The following SMAD5 variants were observed in gnomAD, a reference collection of about 807,000 sequenced individuals.
The protein encoded by SMAD5 is MAD, mothers against decapentaplegic homolog 5.
SMAD5 carries 9 observed loss-of-function variants against 43.1 expected under a neutral mutation model. The observed-to-expected ratio is 0.21, with a 90% CI of 0.13 to 0.36. The LOEUF (loss-of-function observed/expected upper bound fraction) is 0.36. Ranked by LOEUF, SMAD5 falls within the 10% of genes least tolerant of loss-of-function variation. The pLI is 1.00. For missense variants in SMAD5, 348 were observed against 574.0 expected, an observed-to-expected ratio of 0.61 and a Z score of 4.02; for synonymous variants, 190 against 192.4, an observed-to-expected ratio of 0.99 and a Z score of 0.10.
intron 4 of SMAD5, 29 bp from the exon 5 acceptor site, chr5:136,163,243 A>ATT (rs1302971565): frequency 6.4e-7 from 1 of 1,566,086 alleles, no homozygotes; most frequent in Non-Finnish European, 8.6e-7. Flanking sequence ...CAGAATGAAG[A>ATT]TTTTAATTAT....
chr5:136,140,292 T>A (rs977477718), intron 1 of SMAD5, among the ~76,000 whole-genome samples: 1 of 152,178 alleles, frequency 6.6e-6, no homozygotes, highest in African/African-American at 2.4e-5. Flanking sequence ...GATAATTCTT[T>A]AATAGTGTAA....
intron 1 of SMAD5, among the ~76,000 whole-genome samples, chr5:136,141,221 G>A (rs1196356176): frequency 6.6e-6 from 1 of 152,118 alleles, no homozygotes; most frequent in Non-Finnish European, 1.5e-5. Flanking sequence ...TTCCAGTATA[G>A]GAAGATAAAT....
At chr5:136,154,861 C>T (rs377593141) in intron 3 of SMAD5, among the ~76,000 whole-genome samples, 30 of 152,186 alleles carry the variant, frequency 2.0e-4, no homozygotes, top group African/African-American at 6.5e-4. Context: ...TACAGTTGAT[C>T]TCCTTCCATC....
At position 136,178,183 on chromosome 5, in the gene SMAD5, A is replaced by C. The variant is rs1056244501; in HGVS notation, c.*703A>C. 3.9e-5 allele frequency: 6 copies of C among 152,644 alleles called. No homozygotes were observed. Among genetic ancestry groups the C allele is most frequent in the African/African-American group, 1.4e-4 (6 of 41,458 alleles). 9.5% of individuals were successfully genotyped at this position (152,644 alleles called of 1,614,324 possible). ...AAAATTTTTGCAAATAACTGATCTC[A>C]AGTATATGTCATTTACTCAAAATCT... On this transcript the variant is annotated 3_prime_UTR_variant, in exon 8 of 8. Coordinates refer to ENST00000545279, the MANE Select transcript of SMAD5 (RefSeq NM_005903.7).
intron 3 of SMAD5, among the ~76,000 whole-genome samples, chr5:136,159,519 A>G (rs1011471459): frequency 4.6e-5 from 7 of 152,324 alleles, no homozygotes; most frequent in African/African-American, 1.7e-4. Context: ...GTGAAAGAGA[A>G]GCCAGTGATT....
chr5:136,152,549 A>T (rs1467135386), intron 2 of SMAD5: 1 of 152,194 alleles, frequency 6.6e-6, no homozygotes, highest in Non-Finnish European at 1.5e-5. Context: ...ACAAGAAAGG[A>T]AGCATCTTTT....
rs537124670 is a variant in SMAD5, at chr5:136,141,836, C to A, written c.-244-5996C>A. Among the ~76,000 whole-genome samples the A allele has an allele frequency of 1.7e-3, 257 of 152,230 alleles. 2 individuals are homozygous for A. The highest frequency in any genetic ancestry group is 5.9e-3 in the African/African-American group (247 of 41,536). On this transcript the variant is annotated intron_variant, in intron 1 of 7. Transcript: ENST00000545279. ...AGTTTCAACCTCCAAATTTGTATAA[C>A]CCCAAGTATATTAGAGAGAATTGTT...
In SMAD5 at chr5:136,179,727, C is replaced by T. The variant is rs1262835438; in HGVS notation, c.*2247C>T. ...TCTGCCACACGAAAGAGAATATTTG[C>T]TTACTTGATAGAACTTTGGCATTTT... On this transcript the variant is annotated 3_prime_UTR_variant, in exon 8 of 8. Coordinates refer to ENST00000545279, the MANE Select transcript of SMAD5 (RefSeq NM_005903.7). The T allele has an allele frequency of 6.6e-6, 1 of 152,156 alleles. No homozygotes were observed. The highest frequency in any genetic ancestry group is 2.4e-5 in the African/African-American group (1 of 41,442). The allele number at this position is 152,156 out of a possible 1,614,324, so 9.4% of individuals were successfully genotyped here. A position where few individuals can be genotyped will look rare whatever the true frequency, so the allele number is the denominator to read the frequency against.
intron 4 of SMAD5, among the ~76,000 whole-genome samples, chr5:136,162,168 A>G (rs72794961): frequency 2.0e-5 from 3 of 152,176 alleles, no homozygotes; most frequent in Non-Finnish European, 4.4e-5. Context: ...ACTCACACAC[A>G]CCCCGGCACT....
intron 2 of SMAD5, chr5:136,152,822 GTCA>G (rs1390307321): frequency 1.3e-5 from 2 of 152,094 alleles, no homozygotes; most frequent in Admixed American, 1.3e-4. Context: ...ACTTCCACCT[GTCA>G]TCATCAGGAG....
At chr5:136,156,937 A>G (rs1327497655) in intron 3 of SMAD5, among the ~76,000 whole-genome samples, 3 of 148,596 alleles carry the variant, frequency 2.0e-5, no homozygotes, top group African/African-American at 7.5e-5. Context: ...CAGATTACCC[A>G]GCTAGATTAG....
At chr5:136,176,840 T>C (rs1340183612) in intron 7 of SMAD5, among the ~76,000 whole-genome samples, 5 of 152,206 alleles carry the variant, frequency 3.3e-5, no homozygotes. Context: ...ATGGTATTTA[T>C]AAATATTTGC....
At position 136,172,612 on chromosome 5, in the gene SMAD5, T is replaced by C; in HGVS notation, c.954T>C (p.Asn318=). The change falls in exon 6 of 8, where the codon AAT becomes AAC. Residue 318 remains asparagine, a synonymous_variant. Transcript: ENST00000545279. ...RFCLGLLSNV[N]RNSTIENTRR... is the part of the protein sequence containing the mutation. ...GCTTGGGTTTGTTGTCAAATGTTAATCGTAATTCGACAATTGAAAACACTA... is the reference window on the plus strand; with the variant it reads ...GCTTGGGTTTGTTGTCAAATGTTAACCGTAATTCGACAATTGAAAACACTA... The C allele has an allele frequency of 6.2e-7, 1 of 1,613,108 alleles. No individual in the cohort carries two copies. Among genetic ancestry groups the C allele is most frequent in the Non-Finnish European group, 8.5e-7 (1 of 1,179,110 alleles).
intron 4 of SMAD5, 101 bp from the exon 5 acceptor site, chr5:136,163,171 A>C: frequency 1.0e-6 from 1 of 962,684 alleles, no homozygotes. Flanking sequence ...TGTGATGTTC[A>C]GTAATGAAGC....
intron 5 of SMAD5, among the ~76,000 whole-genome samples, chr5:136,171,441 C>T (rs759918834): frequency 2.0e-4 from 31 of 152,318 alleles, no homozygotes; most frequent in Non-Finnish European, 4.1e-4. Flanking sequence ...AAGGCCTGGG[C>T]ACCTCCTCAC....
At chr5:136,158,275 ATTCTG>A (rs1291769880) in intron 3 of SMAD5, among the ~76,000 whole-genome samples, 3 of 152,134 alleles carry the variant, frequency 2.0e-5, no homozygotes, top group Admixed American at 6.5e-5. Context: ...TAAAAAAAAG[ATTCTG>A]AAAACTTTCC....
At chr5:136,172,375 A>T in intron 5 of SMAD5, 59 bp from the exon 6 acceptor site, 1 of 1,011,296 alleles carries the variant, frequency 9.9e-7, no homozygotes, top group Non-Finnish European at 1.5e-6. Context: ...AGATAAACAC[A>T]TGGACAATCT....
At chr5:136,159,476 ATT>A (rs1048056355) in intron 3 of SMAD5, among the ~76,000 whole-genome samples, 2 of 152,156 alleles carry the variant, frequency 1.3e-5, no homozygotes, top group Non-Finnish European at 2.9e-5. Flanking sequence ...ATATAAAATA[ATT>A]TTTTAAAAAT....
chr5:136,172,957 TC>T, intron 6 of SMAD5: 1 of 352,970 alleles, frequency 2.8e-6, no homozygotes, highest in South Asian at 3.2e-5. Context: ...CACAGCAGTA[TC>T]CCCAGTAGCT....
Sources: gnomAD v4.1 joint callset for allele counts (sites outside exome capture counted in the v4.1 genomes callset) on GRCh38, gnomAD v4.1.1 for gene constraint, MANE v1.5 for transcripts, NCBI Gene and HGNC (gene_info 2026-07-23, HGNC 2026-07-21) for gene names.